Variants in PLA2G4A observed in about 807,000 individuals in gnomAD.
PLA2G4A encodes the protein phospholipase A2 group IVA, also known as cytosolic phospholipase A2.
A neutral mutation model predicts 81.9 loss-of-function variants in PLA2G4A; 40 were observed. The observed-to-expected ratio is 0.49, with a 90% CI of 0.38 to 0.64. The LOEUF (loss-of-function observed/expected upper bound fraction) is 0.64. Ranked by LOEUF, PLA2G4A falls within the 30% of genes least tolerant of loss-of-function variation. PLA2G4A has a pLI of 0.00. For missense variants in PLA2G4A, 715 were observed against 905.1 expected (o/e 0.79, Z 2.69); for synonymous variants, 302 against 296.9 (o/e 1.02, Z -0.18).
intron 17 of PLA2G4A, among the ~76,000 whole-genome samples, chr1:186,980,508 A>T (rs1178282965): frequency 1.3e-5 from 2 of 152,206 alleles, no homozygotes; most frequent in East Asian, 3.9e-4. Flanking sequence ...TGTACATTAG[A>T]AAAACAGAAA....
intron 14 of PLA2G4A, among the ~76,000 whole-genome samples, chr1:186,962,642 C>CT (rs1368852448): frequency 6.6e-6 from 1 of 152,038 alleles, no homozygotes; most frequent in African/African-American, 2.4e-5. Context: ...CTGCCTCAGC[C>CT]TCAGAGTAGC....
rs540044838 is a variant in PLA2G4A, at chr1:186,870,526, CT to C, written c.115+17del. 6.8e-5 allele frequency: 107 copies of C among 1,576,884 alleles called. 1 individual carries two copies. The highest frequency in any genetic ancestry group is 6.3e-4 in the South Asian group (57 of 90,134). ...GCCTTTGGTGACATGCGTAAGTGCC[CT>C]TTTTTTCTTTGCTGTTAAACATGTA... On this transcript the variant is annotated intron_variant, in intron 3 of 17. Coordinates refer to ENST00000367466, the MANE Select transcript of PLA2G4A (RefSeq NM_024420.3).
chr1:186,965,100 T>C (rs1392988826), intron 14 of PLA2G4A, among the ~76,000 whole-genome samples: 2 of 152,282 alleles, frequency 1.3e-5, no homozygotes, highest in African/African-American at 4.8e-5. Context: ...ATAATACTAT[T>C]GAAGTGATCA....
chr1:186,861,898 G>C lies in PLA2G4A; in HGVS notation c.33+7511G>C, dbSNP rs141434811. On this transcript the variant is annotated intron_variant, in intron 2 of 17. Coordinates refer to ENST00000367466, the MANE Select transcript of PLA2G4A (RefSeq NM_024420.3). ...GACTCCTCCCCATTGAAGGCTGTGT[G>C]CTCAGAGTAAGAAAACCTCATTTTA... Among the ~76,000 whole-genome samples, 229 of 151,784 alleles carry C rather than the reference G, an allele frequency of 1.5e-3. 1 individual carries two copies. The highest frequency in any genetic ancestry group is 2.7e-3 in the Non-Finnish European group (183 of 67,944).
chr1:186,940,244 A>G, intron 10 of PLA2G4A, 150 bp downstream of exon 10: 1 of 653,208 alleles, frequency 1.5e-6, no homozygotes, highest in African/African-American at 1.8e-5. Flanking sequence ...AGAAAATATT[A>G]AGTGAGATGA....
chr1:186,912,881 AT>A (rs1655012994), intron 7 of PLA2G4A, among the ~76,000 whole-genome samples: 1 of 148,262 alleles, frequency 6.7e-6, no homozygotes, highest in African/African-American at 2.5e-5. Context: ...ATACTTACGC[AT>A]AAAGGAGTGT....
At chr1:186,867,170 T>C (rs1372254913) in intron 2 of PLA2G4A, among the ~76,000 whole-genome samples, 1 of 152,128 alleles carries the variant, frequency 6.6e-6, no homozygotes, top group Non-Finnish European at 1.5e-5. Context: ...CTCCTTCAAA[T>C]TTGTGTTTAC....
chr1:186,959,698 C>A (rs1656881512), intron 14 of PLA2G4A, among the ~76,000 whole-genome samples: 1 of 152,084 alleles, frequency 6.6e-6, no homozygotes, highest in African/African-American at 2.4e-5. Flanking sequence ...TGATTTACCT[C>A]CCTCTGGTTG....
intron 1 of PLA2G4A, among the ~76,000 whole-genome samples, chr1:186,832,295 T>C (rs934597288): frequency 5.3e-5 from 8 of 152,114 alleles, no homozygotes; most frequent in Admixed American, 5.2e-4. Context: ...GTTTATTTTC[T>C]AGGTTCTAAA....
intron 15 of PLA2G4A, among the ~76,000 whole-genome samples, chr1:186,976,110 G>T (rs932893915): frequency 2.6e-5 from 4 of 151,972 alleles, no homozygotes; most frequent in Non-Finnish European, 2.9e-5. Context: ...AAGCACAAAG[G>T]GTTATTTGAT....
intron 7 of PLA2G4A, among the ~76,000 whole-genome samples, chr1:186,918,572 C>T (rs1298508938): frequency 6.6e-6 from 1 of 152,176 alleles, no homozygotes; most frequent in Non-Finnish European, 1.5e-5. Context: ...GCACATCTTT[C>T]TCCTTGTGAG....
intron 15 of PLA2G4A, among the ~76,000 whole-genome samples, chr1:186,972,681 G>A (rs916202948): frequency 2.2e-4 from 33 of 152,038 alleles, no homozygotes; most frequent in Admixed American, 1.9e-3. Flanking sequence ...CCAGAACAAC[G>A]GGTTAATTCT....
chr1:186,956,556 C>T (rs1456860390), intron 14 of PLA2G4A, among the ~76,000 whole-genome samples: 1 of 152,072 alleles, frequency 6.6e-6, no homozygotes, highest in African/African-American at 2.4e-5. Context: ...ACCCAGTCAC[C>T]CAGGCTGCAG....
At chr1:186,831,006 CTTTCTTTCTTTCTTTT>C (rs1651562874) in intron 1 of PLA2G4A, among the ~76,000 whole-genome samples, 2 of 137,984 alleles carry the variant, frequency 1.4e-5, no homozygotes, top group South Asian at 2.3e-4. Context: ...TTCTTTCTTT[CTTTCTTTCTTTCTTTT>C]TCTTTCTTTC....
In PLA2G4A at chr1:186,968,665, A is replaced by G. The variant is rs375253847; in HGVS notation, c.1764+3072A>G. 2.0e-5 allele frequency among the ~76,000 whole-genome samples: 3 copies of G among 152,064 alleles called. No individual in the cohort carries two copies. In the South Asian group the frequency reaches 6.2e-4, roughly 31 times the overall value. ...ATGCTCTATTTTCAACTTTTAGATT[A>G]TTGCTATCTTGCCACCTTTTTCTGT... On this transcript the variant is annotated intron_variant, in intron 15 of 17. Transcript: ENST00000367466.
intron 17 of PLA2G4A, among the ~76,000 whole-genome samples, chr1:186,988,060 C>T (rs552894333): frequency 2.6e-5 from 4 of 152,310 alleles, no homozygotes; most frequent in Admixed American, 2.0e-4. Flanking sequence ...TGTTATCCCC[C>T]TTTTGGCAAA....
At chr1:186,984,633 A>G (rs942668580) in intron 17 of PLA2G4A, among the ~76,000 whole-genome samples, 5 of 152,212 alleles carry the variant, frequency 3.3e-5, no homozygotes, top group African/African-American at 4.8e-5. Context: ...AGGTACAAGT[A>G]AAAGTTCTAT....
chr1:186,945,845 C>A (rs1394169590), intron 10 of PLA2G4A, among the ~76,000 whole-genome samples: 1 of 152,106 alleles, frequency 6.6e-6, no homozygotes, highest in African/African-American at 2.4e-5. Flanking sequence ...CATAAAGTGG[C>A]TACTATTTAT....
intron 2 of PLA2G4A, among the ~76,000 whole-genome samples, chr1:186,863,263 A>G (rs1363309352): frequency 6.6e-6 from 1 of 152,162 alleles, no homozygotes; most frequent in Non-Finnish European, 1.5e-5. Context: ...CAAGCTATTA[A>G]CATTAATATT....
Sources: gnomAD v4.1 joint callset for allele counts (sites outside exome capture counted in the v4.1 genomes callset) on GRCh38, gnomAD v4.1.1 for gene constraint, MANE v1.5 for transcripts, NCBI Gene and HGNC (gene_info 2026-07-23, HGNC 2026-07-21) for gene names.